EWSR1: variants seen among roughly 807,000 people sequenced by gnomAD.
The protein encoded by EWSR1 is EWS RNA binding protein 1.
EWSR1 carries 14 observed loss-of-function variants against 92.1 expected under a neutral mutation model. That is an observed-to-expected ratio of 0.15 (90% CI 0.10 to 0.24). EWSR1 has a LOEUF of 0.24. Among genes scored for constraint, EWSR1 ranks in the 10% least tolerant of loss-of-function variants. EWSR1 has a pLI of 1.00. For missense variants in EWSR1, 637 were observed against 870.9 expected (o/e 0.73, Z 3.38); for synonymous variants, 303 against 292.9 (o/e 1.03, Z -0.35).
chr22:29,272,959 T>A (rs1037711823), intron 3 of EWSR1, among the ~76,000 whole-genome samples: 3 of 152,182 alleles, frequency 2.0e-5, no homozygotes, highest in Admixed American at 6.5e-5. Context: ...CAAGATAATG[T>A]TGAATTCTGA....
chr22:29,272,503 T>C, intron 3 of EWSR1, 72 bp downstream of exon 3: 1 of 1,458,720 alleles, frequency 6.9e-7, no homozygotes, highest in South Asian at 1.2e-5. Flanking sequence ...TATCTTTCAG[T>C]TATCCAGTAA....
intron 5 of EWSR1, among the ~76,000 whole-genome samples, chr22:29,280,366 C>A (rs1232054886): frequency 6.6e-6 from 1 of 152,184 alleles, no homozygotes; most frequent in East Asian, 1.9e-4. Flanking sequence ...CCGCACCCGG[C>A]CTGCCTGTTG....
chr22:29,290,573 T>C (rs2060370381), intron 8 of EWSR1: 6 of 1,536,404 alleles, frequency 3.9e-6, no homozygotes, highest in Non-Finnish European at 5.3e-6. Flanking sequence ...ATTGTATAAA[T>C]GGAATCCTTC....
chr22:29,293,022 G>A (rs1169265686), intron 11 of EWSR1, among the ~76,000 whole-genome samples: 3 of 152,086 alleles, frequency 2.0e-5, no homozygotes, highest in Non-Finnish European at 2.9e-5. Context: ...AAAGTGCTGG[G>A]ATTACAGGTG....
Position 29,300,354 on chromosome 22 carries a change from T to TTCTTCCTTCTTTTAAAAA in EWSR1, c.*195_*212dup. ...AAATGGTAGTGTGCGGAGTTTTTTTTTCTTCCTTCTTTTAAAAATGGTTGT... is the reference window on the plus strand; with the variant it reads ...AAATGGTAGTGTGCGGAGTTTTTTTTTCTTCCTTCTTTTAAAAATCTTCCTTCTTTTAAAAATGGTTGT... On this transcript the variant is annotated 3_prime_UTR_variant, in exon 17 of 17. Transcript: ENST00000397938. The TTCTTCCTTCTTTTAAAAA allele has an allele frequency of 7.3e-6, 4 of 546,768 alleles. No individual in the cohort carries two copies. The highest frequency in any genetic ancestry group is 9.6e-6 in the Non-Finnish European group (3 of 313,436). 33.9% of individuals were successfully genotyped at this position (546,768 alleles called of 1,614,324 possible).
chr22:29,285,625 A>G (rs750665138), intron 6 of EWSR1, among the ~76,000 whole-genome samples: 1 of 151,278 alleles, frequency 6.6e-6, no homozygotes, highest in African/African-American at 2.5e-5. Flanking sequence ...GAAAACTACT[A>G]TTTTTGTGTT....
chr22:29,283,057 C>T (rs1279206285), intron 6 of EWSR1, among the ~76,000 whole-genome samples: 2 of 152,172 alleles, frequency 1.3e-5, no homozygotes, highest in Non-Finnish European at 2.9e-5. Context: ...CCACCGCACC[C>T]GGCCCAGCTA....
chr22:29,285,314 GT>G (rs1386189842), intron 6 of EWSR1, among the ~76,000 whole-genome samples: 3 of 149,864 alleles, frequency 2.0e-5, no homozygotes, highest in Non-Finnish European at 4.4e-5. Flanking sequence ...AGTAGGTGGG[GT>G]TTCACTATGT....
rs749756394 is a variant in EWSR1, at chr22:29,275,216, G to T, written c.226+1352G>T. On this transcript the variant is annotated intron_variant, in intron 4 of 16. Transcript: ENST00000397938. ...TTTGAAATTGTGAGATAAACTTCATGTATTAAAGCCATTACATTTTTTAAA... is the reference window on the plus strand; with the variant it reads ...TTTGAAATTGTGAGATAAACTTCATTTATTAAAGCCATTACATTTTTTAAA... 5.3e-5 allele frequency among the ~76,000 whole-genome samples: 8 copies of T among 152,200 alleles called. No homozygotes were observed. In the South Asian group the frequency reaches 1.7e-3, roughly 31 times the overall value.
chr22:29,299,389 A>AT, intron 15 of EWSR1, 58 bp downstream of exon 15: 2 of 1,567,052 alleles, frequency 1.3e-6, no homozygotes, highest in Admixed American at 1.9e-5. Flanking sequence ...CTCTTTTCTT[A>AT]TTTGTGGGCT....
chr22:29,279,913 G>A (rs568940999), intron 5 of EWSR1, among the ~76,000 whole-genome samples: 1 of 152,236 alleles, frequency 6.6e-6, no homozygotes, highest in Admixed American at 6.5e-5. Flanking sequence ...TATGAATTGG[G>A]TTTTGATAAG....
intron 10 of EWSR1, 58 bp from the exon 11 acceptor site, chr22:29,292,430 G>C: frequency 1.7e-6 from 2 of 1,175,922 alleles, no homozygotes; most frequent in Non-Finnish European, 2.5e-6. Context: ...TGATCAGGTA[G>C]TTAAGAAACC....
At chr22:29,270,077 CCT>C (rs2058544288) in intron 1 of EWSR1, among the ~76,000 whole-genome samples, 1 of 152,222 alleles carries the variant, frequency 6.6e-6, no homozygotes, top group African/African-American at 2.4e-5. Context: ...GCCCTTCTGA[CCT>C]TCCAGCATAA....
chr22:29,270,956 A>C (rs2146710394), intron 1 of EWSR1, among the ~76,000 whole-genome samples: 1 of 152,326 alleles, frequency 6.6e-6, no homozygotes, highest in Non-Finnish European at 1.5e-5. Flanking sequence ...TTTTGAGTTA[A>C]GAGTGTGTAC....
intron 6 of EWSR1, among the ~76,000 whole-genome samples, chr22:29,282,780 C>T (rs1211317902): frequency 6.6e-6 from 1 of 150,452 alleles, no homozygotes; most frequent in African/African-American, 2.4e-5. Flanking sequence ...TTTTTTCCCC[C>T]GAGACGGAGT....
chr22:29,277,637 G>C (rs1241859975), intron 4 of EWSR1: 4 of 237,818 alleles, frequency 1.7e-5, no homozygotes, highest in Non-Finnish European at 2.5e-5. Flanking sequence ...TTTTATTCCT[G>C]CTTGAGGGTA....
intron 7 of EWSR1, among the ~76,000 whole-genome samples, chr22:29,288,242 A>G (rs1484281666): frequency 6.6e-6 from 1 of 152,234 alleles, no homozygotes; most frequent in Non-Finnish European, 1.5e-5. Flanking sequence ...GCAGTGTGCT[A>G]AAGCCCTAAG....
At position 29,298,845 on chromosome 22, in the gene EWSR1, T is replaced by C. The variant is rs749000594; in HGVS notation, c.1530T>C (p.Ser510=). The C allele has an allele frequency of 4.5e-5, 72 of 1,585,676 alleles. No homozygotes were observed. Among genetic ancestry groups the C allele is most frequent in the Non-Finnish European group, 5.8e-5 (68 of 1,171,462 alleles). ...CCCGGGGTTCCCGAGGGAACCCCTC[T>C]GGAGGAGGAAACGTCCAGCACCGAG... ...RGPRGSRGNP[S]GGGNVQHRAG... is the part of the protein sequence containing the mutation. Residue 510 remains serine (S), a synonymous_variant, in exon 14 of 17, where the codon TCT becomes TCC. Transcript: ENST00000397938.
intron 5 of EWSR1, among the ~76,000 whole-genome samples, chr22:29,278,772 C>T (rs2059324625): frequency 6.6e-6 from 1 of 151,368 alleles, no homozygotes; most frequent in South Asian, 2.1e-4. Context: ...TTGCAGTGAG[C>T]TGAGATCGCT....
Sources: gnomAD v4.1 joint callset for allele counts (sites outside exome capture counted in the v4.1 genomes callset) on GRCh38, gnomAD v4.1.1 for gene constraint, MANE v1.5 for transcripts, NCBI Gene and HGNC (gene_info 2026-07-23, HGNC 2026-07-21) for gene names.